SPAG9: variants seen among roughly 807,000 people sequenced by gnomAD.
SPAG9 encodes the protein sperm associated antigen 9.
Under a neutral mutation model 166.5 loss-of-function variants are expected in SPAG9, and 35 were observed. The observed-to-expected ratio is 0.21, with a 90% CI of 0.16 to 0.28. The LOEUF is 0.28. SPAG9 is among the 10% of genes least tolerant of loss of function. SPAG9 has a pLI of 1.00. For synonymous variants in SPAG9, 534 were observed against 565.5 expected (o/e 0.94, Z 0.79); for missense variants, 1,235 against 1,603.3 (o/e 0.77, Z 3.92).
chr17:51,041,860 T>C (rs1046313411), intron 4 of SPAG9, among the ~76,000 whole-genome samples: 1 of 152,124 alleles, frequency 6.6e-6, no homozygotes, highest in African/African-American at 2.4e-5. Flanking sequence ...AGAAATCAAC[T>C]AAGAAAAGTG....
At chr17:51,053,468 C>T (rs1208852787) in intron 3 of SPAG9, among the ~76,000 whole-genome samples, 2 of 152,028 alleles carry the variant, frequency 1.3e-5, no homozygotes, top group African/African-American at 2.4e-5. Flanking sequence ...AGATGGATCA[C>T]GAGGTCAGAA....
Position 51,089,620 on chromosome 17 carries a change from TTATATATATATATATATATATATATATA to T in SPAG9, c.304-9944_304-9917del, listed in dbSNP as rs746370783. On this transcript the variant is annotated intron_variant, in intron 1 of 29. Coordinates refer to ENST00000262013, the MANE Select transcript of SPAG9 (RefSeq NM_001130528.3). ...TATATGTATATATATACACTTTATT[TTATATATATATATATATATATATATATA>T]TATATATATATATATACACATACAC... Among the ~76,000 whole-genome samples, 164 of 40,484 alleles carry T rather than the reference TTATATATATATATATATATATATATATA, an allele frequency of 4.1e-3. 9 individuals are homozygous for T. The highest frequency in any genetic ancestry group is 0.018 in the South Asian group (18 of 1,018). The allele number at this position is 40,484 out of a possible 152,430, so 26.6% of individuals were successfully genotyped here.
intron 3 of SPAG9, among the ~76,000 whole-genome samples, chr17:51,053,853 A>ATATATATAT (rs2047260847): frequency 3.6e-5 from 2 of 56,186 alleles, no homozygotes; most frequent in African/African-American, 2.0e-4. Context: ...AAAAAAAAAA[A>ATATATATAT]AGTATATATA....
chr17:51,070,211 G>A (rs1231995961), intron 2 of SPAG9, among the ~76,000 whole-genome samples: 1 of 152,040 alleles, frequency 6.6e-6, no homozygotes, highest in Non-Finnish European at 1.5e-5. Context: ...CTATACTCAG[G>A]GAAGAATAAG....
At chr17:51,102,482 G>A (rs2048834643) in intron 1 of SPAG9, among the ~76,000 whole-genome samples, 1 of 151,668 alleles carries the variant, frequency 6.6e-6, no homozygotes, top group African/African-American at 2.4e-5. Context: ...TTAAGTTTTG[G>A]CACTTAATCT....
At position 51,095,460 on chromosome 17, in the gene SPAG9, C is replaced by T. The variant is rs189361407; in HGVS notation, c.304-15756G>A. 1.2e-4 allele frequency among the ~76,000 whole-genome samples: 18 copies of T among 151,596 alleles called. 1 individual carries two copies. The East Asian group carries it at 3.3e-3, about 28-fold the overall frequency. On this transcript the variant is annotated intron_variant, in intron 1 of 29. Coordinates refer to ENST00000262013, the MANE Select transcript of SPAG9 (RefSeq NM_001130528.3). The stretch of plus-strand genomic sequence containing the variant: ...CGTCTCACTTGATCTTAGCCAAAGG[C>T]TGAGAAATGATGAAACCCCTTCTCT...
Position 50,974,833 on chromosome 17 carries a change from G to A in SPAG9, c.3638C>T (p.Ala1213Val). The change falls in exon 28 of 30, where the codon GCA (alanine) becomes GTA (valine). Residue 1213 changes from alanine to valine, a missense_variant. Transcript: ENST00000262013. Reference protein sequence around the residue: ...PGTFIPYCSMAHAQLCFHGHR... With the variant: ...PGTFIPYCSMVHAQLCFHGHR... ...CCCATGGAAGCAAAGCTGTGCATGT[G>A]CCATTGAACAATAGGGTATAAATGT... 6.2e-7 allele frequency: 1 copy of A among 1,611,712 alleles called. No homozygotes were observed. The highest frequency in any genetic ancestry group is 8.5e-7 in the Non-Finnish European group (1 of 1,179,556).
chr17:50,985,604 G>T, intron 23 of SPAG9, 94 bp downstream of exon 23: 1 of 658,066 alleles, frequency 1.5e-6, no homozygotes. Context: ...TACTAATTTA[G>T]TCGTGAAACA....
chr17:51,037,716 GTGTGTA>G (rs1307145893), intron 5 of SPAG9, among the ~76,000 whole-genome samples: 20 of 127,318 alleles, frequency 1.6e-4, no homozygotes, highest in African/African-American at 5.4e-4. Flanking sequence ...GTGTGTGTGT[GTGTGTA>G]TAAACATTTT....
chr17:51,022,597 A>G (rs2045981673), intron 6 of SPAG9, among the ~76,000 whole-genome samples: 1 of 151,756 alleles, frequency 6.6e-6, no homozygotes, highest in Non-Finnish European at 1.5e-5. Flanking sequence ...TTTTAAGAAA[A>G]GAGAAACTGA....
At chr17:51,044,585 G>A (rs2046954527) in intron 4 of SPAG9, among the ~76,000 whole-genome samples, 1 of 152,168 alleles carries the variant, frequency 6.6e-6, no homozygotes, top group South Asian at 2.1e-4. Flanking sequence ...GCAGATAAAA[G>A]AAAAAGTACA....
intron 8 of SPAG9, among the ~76,000 whole-genome samples, chr17:51,015,708 T>A (rs1303334579): frequency 2.0e-5 from 3 of 147,400 alleles, no homozygotes; most frequent in Admixed American, 7.0e-5. Flanking sequence ...TAAAAAGAAT[T>A]TGGAAAAAAA....
chr17:50,964,926 TTG>T lies in SPAG9; in HGVS notation c.*1344_*1345del. On this transcript the variant is annotated 3_prime_UTR_variant, in exon 30 of 30. Coordinates refer to ENST00000262013, the MANE Select transcript of SPAG9 (RefSeq NM_001130528.3). ...TGCCACCACACCCGGTTAATTTATT[TTG>T]TTTTTTTTTTTTGGTAGAGACAGGG... is the stretch of plus-strand genomic sequence containing the variant. 1.0e-5 allele frequency: 2 copies of T among 194,442 alleles called. No homozygotes were observed. The highest frequency in any genetic ancestry group is 5.6e-5 in the South Asian group (1 of 17,920). The allele number at this position is 194,442 out of a possible 1,614,324, so 12.0% of individuals were successfully genotyped here.
At position 50,994,519 on chromosome 17, in the gene SPAG9, G is replaced by C. The variant is rs151205433; in HGVS notation, c.2226+538C>G. On this transcript the variant is annotated intron_variant, in intron 18 of 29. Coordinates refer to ENST00000262013, the MANE Select transcript of SPAG9 (RefSeq NM_001130528.3). ...TAATCCCAGCACTTTGGGAGGCTGA[G>C]GTGGGAGGACTGCTTGAGGCCAGAA... 8.9e-4 allele frequency among the ~76,000 whole-genome samples: 135 copies of C among 152,300 alleles called. 1 individual carries two copies. Among genetic ancestry groups the C allele is most frequent in the Middle Eastern group, 3.4e-3 (1 of 294 alleles).
chr17:51,024,153 A>T (rs1288903100), intron 6 of SPAG9, among the ~76,000 whole-genome samples: 1 of 151,572 alleles, frequency 6.6e-6, no homozygotes, highest in East Asian at 2.0e-4. Context: ...AAAATTAGGC[A>T]TGGTGGCAGG....
intron 8 of SPAG9, among the ~76,000 whole-genome samples, chr17:51,017,196 T>A (rs1401803848): frequency 1.3e-5 from 2 of 152,136 alleles, no homozygotes; most frequent in Admixed American, 6.5e-5. Context: ...TCTCCCAAGG[T>A]AAGTACATAC....
intron 2 of SPAG9, 58 bp from the exon 3 acceptor site, chr17:51,056,540 T>C: frequency 9.0e-7 from 1 of 1,116,100 alleles, no homozygotes; most frequent in East Asian, 2.4e-5. Flanking sequence ...CTTGAAAAAG[T>C]ACATGTTAGA....
chr17:51,070,148 A>G (rs2047784229), intron 2 of SPAG9, among the ~76,000 whole-genome samples: 1 of 152,152 alleles, frequency 6.6e-6, no homozygotes. Context: ...CACTAAAAAA[A>G]AAATATCACT....
intron 6 of SPAG9, 54 bp from the exon 7 acceptor site, chr17:51,021,419 C>T (rs2045932171): frequency 2.2e-6 from 3 of 1,392,194 alleles, no homozygotes; most frequent in Non-Finnish European, 2.9e-6. Flanking sequence ...TTACTCTAAA[C>T]CACATTAAAT....
Sources: allele counts gnomAD v4.1 joint callset (sites outside exome capture counted in the v4.1 genomes callset), GRCh38; gene constraint gnomAD v4.1.1; transcripts MANE v1.5; gene names NCBI Gene and HGNC (gene_info 2026-07-23, HGNC 2026-07-21).